CFAP46: variants seen among roughly 807,000 people sequenced by gnomAD.
CFAP46 encodes the protein cilia and flagella associated protein 46, also known as cilia- and flagella-associated protein 46.
CFAP46 carries 245 observed loss-of-function variants against 325.7 expected under a neutral mutation model. The observed-to-expected ratio is 0.75, with a 90% CI of 0.68 to 0.84. The LOEUF (loss-of-function observed/expected upper bound fraction) is 0.84, where lower values mean the gene tolerates loss of function less well. Ranked by LOEUF, CFAP46 falls within the 40% of genes least tolerant of loss-of-function variation. The pLI is 0.00. For synonymous variants in CFAP46, 1,523 were observed against 1,495.9 expected, an observed-to-expected ratio of 1.02 and a Z score of -0.42; for missense variants, 3,346 against 3,543.0, an observed-to-expected ratio of 0.94 and a Z score of 1.41.
At chr10:132,879,048 G>A (rs1161265002) in intron 29 of CFAP46, among the ~76,000 whole-genome samples, 3 of 152,206 alleles carry the variant, frequency 2.0e-5, no homozygotes, top group South Asian at 2.1e-4. Context: ...GGCGCCTGCC[G>A]CTGCCTTGGT....
rs4500406 is a variant in CFAP46, at chr10:132,941,644, G to A, written c.253C>T (p.Arg85Ter). ...ATCTGGGCCCTGCACAGGTGCGCTC[G>A]GCCCAGAAACTGGGTGATGGGCGCC... ...VKAPITQFLG[R>*]AHLCRAQMCA... Residue 85 changes from arginine to a stop codon, truncating the protein, a stop_gained, in exon 3 of 58, where the codon CGA becomes TGA. Coordinates refer to ENST00000368586, the MANE Select transcript of CFAP46 (RefSeq NM_001200049.3). LOFTEE classifies it high-confidence loss of function. 8.7e-6 allele frequency: 14 copies of A among 1,613,864 alleles called. No homozygotes were observed. In the Admixed American group the frequency reaches 1.0e-4, roughly 12 times the overall value.
At chr10:132,917,099 G>A (rs933170797) in intron 16 of CFAP46, among the ~76,000 whole-genome samples, 15 of 152,376 alleles carry the variant, frequency 9.8e-5, no homozygotes, top group Admixed American at 2.0e-4. Context: ...CCCCGTGGCC[G>A]CCGCTGGCTC....
chr10:132,908,783 C>T (rs1017342265), intron 21 of CFAP46, 149 bp from the exon 22 acceptor site: 17 of 1,029,690 alleles, frequency 1.7e-5, no homozygotes, highest in African/African-American at 8.1e-5. Flanking sequence ...TGAGCTGCCA[C>T]GTCCGTGCCT....
In CFAP46 at chr10:132,847,374, C is replaced by T. The variant is rs561983016; in HGVS notation, c.5953-53G>A. 1.0e-3 allele frequency: 1,600 copies of T among 1,600,990 alleles called. 4 individuals carry two copies. Among genetic ancestry groups the T allele is most frequent in the Middle Eastern group, 1.2e-3 (7 of 5,996 alleles). On this transcript the variant is annotated intron_variant, in intron 41 of 57. Coordinates refer to ENST00000368586, the MANE Select transcript of CFAP46 (RefSeq NM_001200049.3). The surrounding 1 kb of genome is among the most constrained non-coding windows in gnomAD (Gnocchi z 5.2). ...CACTTCTGGGTTCCTGCTTGGTCGG[C>T]GTGGGGAGGGCCCACCCAGGGAGGC...
intron 50 of CFAP46, among the ~76,000 whole-genome samples, chr10:132,825,956 C>G (rs2134940441): frequency 6.6e-6 from 1 of 152,188 alleles, no homozygotes; most frequent in East Asian, 1.9e-4. Flanking sequence ...CACGGCCGGC[C>G]ACAGAGACCA....
chr10:132,917,494 C>T (rs911229079), intron 16 of CFAP46, among the ~76,000 whole-genome samples: 4 of 152,204 alleles, frequency 2.6e-5, no homozygotes, highest in Non-Finnish European at 4.4e-5. Context: ...ACAGGCCTGG[C>T]GGCCCCATCA....
chr10:132,865,631 G>T (rs1286300062), intron 35 of CFAP46, among the ~76,000 whole-genome samples: 1 of 152,138 alleles, frequency 6.6e-6, no homozygotes, highest in Admixed American at 6.6e-5. Flanking sequence ...AGGCAGCCCC[G>T]CACACAATCC....
intron 50 of CFAP46, among the ~76,000 whole-genome samples, chr10:132,825,802 C>T (rs1848035139): frequency 1.3e-5 from 2 of 152,168 alleles, no homozygotes; most frequent in Admixed American, 1.3e-4. Context: ...CACAGAAGAA[C>T]CGGTGAGAGA....
chr10:132,859,220 C>G lies in CFAP46; in HGVS notation c.5226G>C (p.Ala1742=). The change falls in exon 38 of 58, where the codon GCG becomes GCC. Residue 1742 remains alanine (A), a synonymous_variant. Coordinates refer to ENST00000368586, the MANE Select transcript of CFAP46 (RefSeq NM_001200049.3). Reference sequence around the variant, plus strand: ...TGGGTTCAGTGACCGCTGAGTGCTGCGCAACTCTGACCCGCAGGCTCAGGC... The same window carrying G: ...TGGGTTCAGTGACCGCTGAGTGCTGGGCAACTCTGACCCGCAGGCTCAGGC... ...ARCLSLRVRV[A]QHSAVTEPTE... is the part of the protein sequence containing the mutation. 1 of 1,549,756 alleles carries G rather than the reference C, an allele frequency of 6.5e-7. No individual in the cohort carries two copies. Among genetic ancestry groups the G allele is most frequent in the East Asian group, 2.4e-5 (1 of 40,904 alleles).
chr10:132,836,174 G>C lies in CFAP46; in HGVS notation c.6581C>G (p.Thr2194Ser). 6.2e-7 allele frequency: 1 copy of C among 1,610,040 alleles called. No individual in the cohort carries two copies. The highest frequency in any genetic ancestry group is 2.2e-5 in the East Asian group (1 of 44,770). ...GAAYEKPKFI[T>S]AAKGKVQAVG... ...CGCCTGCACCTTTCCTTTGGCTGCAGTAATGAACTTGGGTTTCTCGTAGGC... is the reference window on the plus strand; with the variant it reads ...CGCCTGCACCTTTCCTTTGGCTGCACTAATGAACTTGGGTTTCTCGTAGGC... The change falls in exon 46 of 58, where the codon ACT (threonine) becomes AGT (serine). Residue 2194 changes from threonine (T) to serine (S), a missense_variant. Transcript: ENST00000368586.
intron 41 of CFAP46, among the ~76,000 whole-genome samples, chr10:132,848,767 T>G (rs561895132): frequency 6.6e-6 from 1 of 152,204 alleles, no homozygotes; most frequent in Non-Finnish European, 1.5e-5. Context: ...AGAGCTTTTT[T>G]CTTTCACTTA....
intron 25 of CFAP46, among the ~76,000 whole-genome samples, chr10:132,890,487 A>T (rs775802521): frequency 6.6e-6 from 1 of 152,202 alleles, no homozygotes. Flanking sequence ...CTTTGGTTGA[A>T]GGATCACTTA....
intron 44 of CFAP46, among the ~76,000 whole-genome samples, chr10:132,839,921 G>C (rs1025417345): frequency 8.5e-5 from 13 of 152,204 alleles, no homozygotes; most frequent in African/African-American, 3.1e-4. Flanking sequence ...GTGTATTAGT[G>C]ATGAGAGAGC....
intron 4 of CFAP46, among the ~76,000 whole-genome samples, chr10:132,940,406 T>C (rs1345707395): frequency 1.3e-5 from 2 of 152,190 alleles, no homozygotes; most frequent in African/African-American, 4.8e-5. Context: ...TATTTGTTTT[T>C]GTGCAGAAAG....
At chr10:132,854,164 G>T (rs1440484900) in intron 39 of CFAP46, among the ~76,000 whole-genome samples, 1 of 152,006 alleles carries the variant, frequency 6.6e-6, no homozygotes, top group East Asian at 1.9e-4. Context: ...TTCCATCTCG[G>T]TATTGAATTG....
chr10:132,837,763 G>A (rs1467347083), intron 44 of CFAP46, among the ~76,000 whole-genome samples: 8 of 117,578 alleles, frequency 6.8e-5, no homozygotes, highest in East Asian at 4.9e-4. Context: ...GGACACACAC[G>A]CACACGTACA....
chr10:132,921,367 T>C (rs146986137), intron 13 of CFAP46, among the ~76,000 whole-genome samples: 3 of 152,170 alleles, frequency 2.0e-5, no homozygotes, highest in East Asian at 1.9e-4. Context: ...CACTGGCGAG[T>C]GCCCAGAGAA....
chr10:132,885,209 G>C lies in CFAP46; in HGVS notation c.3521C>G (p.Ala1174Gly). 1.3e-6 allele frequency: 2 copies of C among 1,550,492 alleles called. No individual in the cohort carries two copies. Among genetic ancestry groups the C allele is most frequent in the Non-Finnish European group, 1.7e-6 (2 of 1,146,982 alleles). ...NFSMEIQKFK[A>G]ESEDYLARMW... The stretch of plus-strand genomic sequence containing the variant: ...GCGCGCCAAGTAGTCCTCACTCTCG[G>C]CCTTGAATTTCTGTATTTCCATCGA... Residue 1174 changes from alanine (A) to glycine (G), a missense_variant, in exon 27 of 58, where the codon GCC becomes GGC. By Grantham distance (60) the Ala-to-Gly change is moderately conservative. Transcript: ENST00000368586.
At chr10:132,822,721 ATGTGTGCTG>A (rs1847895831) in intron 50 of CFAP46, among the ~76,000 whole-genome samples, 1 of 79,542 alleles carries the variant, frequency 1.3e-5, no homozygotes. Context: ...ATGTGTGCTG[ATGTGTGCTG>A]TGTGTGCAGT....
Sources: gnomAD v4.1 joint callset for allele counts (sites outside exome capture counted in the v4.1 genomes callset) on GRCh38, gnomAD v4.1.1 for gene constraint, Gnocchi (gnomAD v3.1) non-coding constraint, MANE v1.5 for transcripts, NCBI Gene and HGNC (gene_info 2026-07-23, HGNC 2026-07-21) for gene names.